CCDC15: variants seen among roughly 807,000 people sequenced by gnomAD.
CCDC15 encodes the protein coiled-coil domain containing 15.
Under a neutral mutation model 114.5 loss-of-function variants are expected in CCDC15, and 105 were observed. That is an observed-to-expected ratio of 0.92 (90% CI 0.78 to 1.08). The LOEUF is 1.08. CCDC15 is among the 50% of genes least tolerant of loss of function. The pLI, the probability that CCDC15 is intolerant of heterozygous loss-of-function variation, is 0.00. For missense variants in CCDC15, 1,105 were observed against 1,093.6 expected, an observed-to-expected ratio of 1.01 and a Z score of -0.15; for synonymous variants, 334 against 377.8, an observed-to-expected ratio of 0.88 and a Z score of 1.34.
At position 124,959,908 on chromosome 11, in the gene CCDC15, A is replaced by G. The variant is rs111344027; in HGVS notation, c.421A>G (p.Ile141Val). The stretch of plus-strand genomic sequence containing the variant: ...TTTTCCAAACAATTTGAATGTTGCT[A>G]TTGGAAGTTCTAGGTTACCTCCTTC... ...SVFPNNLNVA[I>V]GSSRLPPSLM... is the part of the protein sequence containing the mutation. The change falls in exon 4 of 16, where the codon ATT becomes GTT. Residue 141 changes from isoleucine to valine, a missense_variant. Coordinates refer to ENST00000344762, the MANE Select transcript of CCDC15 (RefSeq NM_025004.3). The G allele has an allele frequency of 1.4e-5, 22 of 1,590,552 alleles. No individual in the cohort carries two copies. Among genetic ancestry groups the G allele is most frequent in the African/African-American group, 1.1e-4 (8 of 74,794 alleles).
chr11:125,038,196 A>G (rs1948788962), intron 13 of CCDC15: 3 of 280,958 alleles, frequency 1.1e-5, no homozygotes, highest in East Asian at 6.5e-5. Flanking sequence ...CTGGGATTAC[A>G]GGCATGAGCC....
At chr11:124,986,698 T>TGTGG in intron 6 of CCDC15, 44 bp from the exon 7 acceptor site, 1 of 1,437,424 alleles carries the variant, frequency 7.0e-7, no homozygotes, top group Non-Finnish European at 9.2e-7. Flanking sequence ...TGTTTGTGTG[T>TGTGG]GTGCGCGCGC....
intron 13 of CCDC15, among the ~76,000 whole-genome samples, chr11:125,011,174 A>G (rs1455533851): frequency 6.6e-6 from 1 of 151,602 alleles, no homozygotes; most frequent in African/African-American, 2.4e-5. Context: ...TGTATTACTA[A>G]CAAGTTTTCC....
At chr11:125,036,312 G>A (rs1948773925) in intron 13 of CCDC15, among the ~76,000 whole-genome samples, 1 of 71,562 alleles carries the variant, frequency 1.4e-5, no homozygotes, top group Admixed American at 1.3e-4. Flanking sequence ...CTCTTTCCTG[G>A]CCTGCAAGGC....
chr11:124,993,175 C>A lies in CCDC15; in HGVS notation c.2146C>A (p.His716Asn), dbSNP rs767079765. 1.9e-6 allele frequency: 3 copies of A among 1,597,668 alleles called. No homozygotes were observed. The South Asian group carries it at 3.3e-5, about 18-fold the overall frequency. The stretch of plus-strand genomic sequence containing the variant: ...TATTTTGTTGTTCCTTTAGAACAAG[C>A]ATATCAAACTACCCTCATCTTTTGA... ...DQDSPREQNKHIKLPSSFEKW... is the reference protein window; with the variant it reads ...DQDSPREQNKNIKLPSSFEKW... Residue 716 changes from histidine (H) to asparagine (N), a missense_variant, in exon 11 of 16, where the codon CAT becomes AAT. Transcript: ENST00000344762.
At chr11:125,035,939 CT>C (rs1205943791) in intron 13 of CCDC15, among the ~76,000 whole-genome samples, 1 of 151,884 alleles carries the variant, frequency 6.6e-6, no homozygotes, top group African/African-American at 2.4e-5. Context: ...TGTACTATGT[CT>C]TGAAAAGTTG....
intron 11 of CCDC15, among the ~76,000 whole-genome samples, chr11:124,993,839 T>C (rs1948313034): frequency 6.6e-6 from 1 of 152,216 alleles, no homozygotes; most frequent in African/African-American, 2.4e-5. Context: ...CAGCTTACAT[T>C]CATTGAACAC....
chr11:124,983,885 G>A (rs1005360749), intron 6 of CCDC15, among the ~76,000 whole-genome samples: 3 of 152,136 alleles, frequency 2.0e-5, no homozygotes, highest in Non-Finnish European at 2.9e-5. Flanking sequence ...AGGATGGAGC[G>A]GCGGGAGTGG....
Position 125,040,641 on chromosome 11 carries a change from G to A in CCDC15, c.2786G>A (p.Gly929Asp), listed in dbSNP as rs1160968592. The part of the protein sequence containing the change: ...SFINSCDVPG[G>D]NSTLRVAIHN... The stretch of plus-strand genomic sequence containing the variant: ...ATCAATTCCTGTGATGTCCCTGGGG[G>A]TAATTCAACTCTTCGAGTCGCAATT... The change falls in exon 16 of 16, where the codon GGT becomes GAT. Residue 929 changes from glycine (G) to aspartate (D), a missense_variant. By Grantham distance (94) the Gly-to-Asp change is moderately conservative. Coordinates refer to ENST00000344762, the MANE Select transcript of CCDC15 (RefSeq NM_025004.3). The A allele has an allele frequency of 1.2e-6, 2 of 1,611,712 alleles. No individual in the cohort carries two copies. The highest frequency in any genetic ancestry group is 1.6e-4 in the Middle Eastern group (1 of 6,062).
rs117681912 is a variant in CCDC15, at chr11:125,029,694, C to T, written c.2412-8737C>T. ...ACTACCCATTTTGTATTCTCTTTGC[C>T]TTCAGCAAGCACCTCGGAGAGTCTT... is the stretch of plus-strand genomic sequence containing the variant. On this transcript the variant is annotated intron_variant, in intron 13 of 15. Transcript: ENST00000344762. Among the ~76,000 whole-genome samples, 748 of 152,260 alleles carry T rather than the reference C, an allele frequency of 4.9e-3. 1 individual carries two copies. Among genetic ancestry groups the T allele is most frequent in the Non-Finnish European group, 8.2e-3 (557 of 68,016 alleles).
chr11:125,000,877 G>A (rs1162241966), intron 11 of CCDC15, among the ~76,000 whole-genome samples: 1 of 152,152 alleles, frequency 6.6e-6, no homozygotes, highest in Non-Finnish European at 1.5e-5. Context: ...ATTCCTGCAA[G>A]CCTCTGGTCA....
intron 6 of CCDC15, among the ~76,000 whole-genome samples, chr11:124,982,313 C>A (rs1948084385): frequency 6.6e-6 from 1 of 152,116 alleles, no homozygotes; most frequent in African/African-American, 2.4e-5. Context: ...TTGGTGTGTG[C>A]AGATTTGATC....
intron 13 of CCDC15, among the ~76,000 whole-genome samples, chr11:125,019,875 A>G (rs1249447913): frequency 1.3e-5 from 2 of 151,942 alleles, no homozygotes; most frequent in Non-Finnish European, 2.9e-5. Flanking sequence ...TGTACATATT[A>G]GTGGGGTACG....
In CCDC15 at chr11:124,987,701, A is replaced by T. The variant is rs763584597; in HGVS notation, c.1475A>T (p.Asp492Val). The change falls in exon 8 of 16, where the codon GAT becomes GTT. Residue 492 changes from aspartate (D) to valine (V), a missense_variant. Asp to Val is a radical substitution (Grantham distance 152, BLOSUM62 -3). Coordinates refer to ENST00000344762, the MANE Select transcript of CCDC15 (RefSeq NM_025004.3). ...RDQHVLPKDQDILPKYQDQNF... is the reference protein window; with the variant it reads ...RDQHVLPKDQVILPKYQDQNF... ...CAGCATGTTCTCCCCAAAGACCAAGATATTCTGCCAAAATATCAGGACCAG... is the reference window on the plus strand; with the variant it reads ...CAGCATGTTCTCCCCAAAGACCAAGTTATTCTGCCAAAATATCAGGACCAG... The T allele has an allele frequency of 1.7e-5, 27 of 1,613,746 alleles. No homozygotes were observed. The Admixed American group carries it at 4.5e-4, about 27-fold the overall frequency.
chr11:125,004,748 AAAGTT>A (rs1361093703), intron 12 of CCDC15, among the ~76,000 whole-genome samples: 6 of 152,158 alleles, frequency 3.9e-5, no homozygotes, highest in Admixed American at 3.3e-4. Context: ...TTAATTTTGA[AAAGTT>A]AAAGTAACTA....
chr11:124,992,383 C>T (rs34571947), intron 9 of CCDC15, among the ~76,000 whole-genome samples, 197 bp from the exon 10 acceptor site: 30,880 of 152,098 alleles, frequency 0.2, 3,728 homozygotes, highest in African/African-American at 0.34. Context: ...TCAGACTATT[C>T]TGTCAATGAT....
At chr11:124,991,786 C>G (rs1419179374) in intron 9 of CCDC15, among the ~76,000 whole-genome samples, 1 of 152,268 alleles carries the variant, frequency 6.6e-6, no homozygotes, top group African/African-American at 2.4e-5. Flanking sequence ...TGGGTTCAAA[C>G]GATTCTCCTG....
Position 124,987,742 on chromosome 11 carries a change from G to A in CCDC15, c.1516G>A (p.Asp506Asn). 3.1e-6 allele frequency: 5 copies of A among 1,613,884 alleles called. No individual in the cohort carries two copies. The highest frequency in any genetic ancestry group is 4.2e-6 in the Non-Finnish European group (5 of 1,179,860). ...TCAGGACCAGAATTTTCTACCTAAG[G>A]ACCAGAATTTTTTGTCTAGAGACCA... ...KYQDQNFLPKDQNFLSRDQHV... is the reference protein window; with the variant it reads ...KYQDQNFLPKNQNFLSRDQHV... The change falls in exon 8 of 16, where the codon GAC becomes AAC. Residue 506 changes from aspartate to asparagine, a missense_variant. Physicochemically the swap from Asp to Asn is conservative, Grantham distance 23 (BLOSUM62 1). Transcript: ENST00000344762.
intron 1 of CCDC15, 91 bp downstream of exon 1, chr11:124,954,461 C>A (rs758933720): frequency 6.1e-5 from 19 of 312,200 alleles, no homozygotes; most frequent in Non-Finnish European, 9.4e-5. Context: ...TCTTCGTTCT[C>A]TCATTCCCAT....
Sources: allele counts gnomAD v4.1 joint callset (sites outside exome capture counted in the v4.1 genomes callset), GRCh38; gene constraint gnomAD v4.1.1; transcripts MANE v1.5; gene names NCBI Gene and HGNC (gene_info 2026-07-23, HGNC 2026-07-21).